The following ATF7IP variants were observed in gnomAD, a reference collection of about 807,000 sequenced individuals.
ATF7IP encodes activating transcription factor 7 interacting protein.
A neutral mutation model predicts 106.4 loss-of-function variants in ATF7IP; 23 were observed. That is an observed-to-expected ratio of 0.22 (90% CI 0.16 to 0.31). The LOEUF is 0.31. ATF7IP is among the 10% of genes least tolerant of loss of function. The probability of loss-of-function intolerance (pLI) is 1.00; values close to 1 mark genes in which losing one functional copy is unlikely to be tolerated. For synonymous variants in ATF7IP, 542 were observed against 539.0 expected (o/e 1.01, Z -0.08); for missense variants, 1,334 against 1,524.3 (o/e 0.88, Z 2.08).
chr12:14,427,522 C>T (rs533181798), intron 2 of ATF7IP, among the ~76,000 whole-genome samples: 13 of 152,204 alleles, frequency 8.5e-5, no homozygotes, highest in Non-Finnish European at 1.6e-4. Context: ...CGCGACACCA[C>T]GCCTGGCTAA....
At chr12:14,417,058 A>T in intron 1 of ATF7IP, 2 of 471,632 alleles carry the variant, frequency 4.2e-6, no homozygotes, top group African/African-American at 2.1e-5. Flanking sequence ...TGAGAAAAAA[A>T]TTCTGATAAC....
intron 1 of ATF7IP, among the ~76,000 whole-genome samples, chr12:14,391,739 G>A (rs980803514): frequency 6.6e-6 from 1 of 152,102 alleles, no homozygotes; most frequent in African/African-American, 2.4e-5. Flanking sequence ...TGTTTGTTTT[G>A]AGACAGAGTT....
rs1470622529 is a variant in ATF7IP at position 14,425,169 on chromosome 12, C to T, written c.1254C>T (p.Asn418=). The part of the protein sequence containing the change: ...ETINENVIED[N]KSENILENTD... ...TTAATGAAAATGTTATTGAAGATAA[C>T]AAAAGTGAGAATATCTTAGAAAATA... Residue 418 remains asparagine (N), a synonymous_variant, in exon 2 of 15, where the codon AAC becomes AAT. Coordinates refer to ENST00000261168, the MANE Select transcript of ATF7IP (RefSeq NM_018179.5). 3 of 1,593,182 alleles carry T rather than the reference C, an allele frequency of 1.9e-6. No individual in the cohort carries two copies. Among genetic ancestry groups the T allele is most frequent in the Non-Finnish European group, 2.6e-6 (3 of 1,174,014 alleles).
Position 14,436,132 on chromosome 12 carries a change from A to G in ATF7IP, c.1672A>G (p.Lys558Glu), listed in dbSNP as rs568223568. 37 of 1,613,020 alleles carry G rather than the reference A, an allele frequency of 2.3e-5. No homozygotes were observed. Among genetic ancestry groups the G allele is most frequent in the Non-Finnish European group, 3.1e-5 (36 of 1,179,604 alleles). ...TGAATTTTCTAGACGAAAACGTTCT[A>G]AATCAGAAGACATGGACAATGTACA... ...KNEFSRRKRS[K>E]SEDMDNVQSK... Residue 558 changes from lysine to glutamate, a missense_variant, in exon 4 of 15, where the codon AAA (lysine) becomes GAA (glutamate). Physicochemically the swap from Lys to Glu is moderately conservative, Grantham distance 56. Coordinates refer to ENST00000261168, the MANE Select transcript of ATF7IP (RefSeq NM_018179.5).
intron 3 of ATF7IP, among the ~76,000 whole-genome samples, chr12:14,435,631 G>A (rs1942368739): frequency 6.6e-6 from 1 of 152,070 alleles, no homozygotes; most frequent in African/African-American, 2.4e-5. Context: ...AACTATTACT[G>A]TGCTAGTTTT....
At chr12:14,428,203 C>G (rs1196276809) in intron 2 of ATF7IP, among the ~76,000 whole-genome samples, 1 of 151,854 alleles carries the variant, frequency 6.6e-6, no homozygotes, top group Non-Finnish European at 1.5e-5. Context: ...TTAATGAGTA[C>G]CTTTATGTCA....
At chr12:14,409,175 A>C (rs1940774890) in intron 1 of ATF7IP, among the ~76,000 whole-genome samples, 1 of 152,098 alleles carries the variant, frequency 6.6e-6, no homozygotes, top group South Asian at 2.1e-4. Context: ...ATTAAACAAT[A>C]CATAAATGTA....
intron 10 of ATF7IP, among the ~76,000 whole-genome samples, chr12:14,473,785 T>C (rs958069331): frequency 6.6e-6 from 1 of 151,840 alleles, no homozygotes; most frequent in Non-Finnish European, 1.5e-5. Flanking sequence ...GAGAGCATCA[T>C]TGGATATAGA....
chr12:14,405,111 A>AT (rs1254354924), intron 1 of ATF7IP, among the ~76,000 whole-genome samples: 1 of 152,054 alleles, frequency 6.6e-6, no homozygotes, highest in Non-Finnish European at 1.5e-5. Context: ...TGGAAATGTA[A>AT]TTTTTTCTTT....
intron 5 of ATF7IP, among the ~76,000 whole-genome samples, chr12:14,438,511 T>C (rs1565512327): frequency 3.3e-5 from 5 of 152,216 alleles, no homozygotes; most frequent in Admixed American, 2.6e-4. Context: ...GTGTCAGCAG[T>C]GTAGATTCTT....
chr12:14,428,347 A>G (rs1046101426), intron 2 of ATF7IP, among the ~76,000 whole-genome samples: 8 of 152,200 alleles, frequency 5.3e-5, no homozygotes, highest in African/African-American at 1.4e-4. Context: ...ATCTGATGGT[A>G]TGCTATTAGC....
chr12:14,383,772 C>T (rs1404508689), intron 1 of ATF7IP, among the ~76,000 whole-genome samples: 2 of 152,078 alleles, frequency 1.3e-5, no homozygotes, highest in Non-Finnish European at 1.5e-5. Context: ...TTGTTGGCCA[C>T]GCAGGTCTCA....
intron 1 of ATF7IP, among the ~76,000 whole-genome samples, chr12:14,374,132 C>G (rs1293109112): frequency 6.7e-6 from 1 of 149,670 alleles, no homozygotes; most frequent in African/African-American, 2.5e-5. Context: ...GGGTCTCACT[C>G]TGTCACTCCA....
At position 14,394,941 on chromosome 12, in the gene ATF7IP, G is replaced by A. The variant is rs1055882206; in HGVS notation, c.-7-28968G>A. ...ATTTTCACTTTGAAATAGTCATTTTGAAGATATACTCTGTGTGTTCTGTGA... is the reference window on the plus strand; with the variant it reads ...ATTTTCACTTTGAAATAGTCATTTTAAAGATATACTCTGTGTGTTCTGTGA... On this transcript the variant is annotated intron_variant, in intron 1 of 14. Coordinates refer to ENST00000261168, the MANE Select transcript of ATF7IP (RefSeq NM_018179.5). 11 of 152,250 alleles carry A rather than the reference G, an allele frequency of 7.2e-5. No homozygotes were observed. In the East Asian group the frequency reaches 2.1e-3, roughly 29 times the overall value. The allele number at this position is 152,250 out of a possible 1,614,324, so 9.4% of individuals were successfully genotyped here.
intron 9 of ATF7IP, among the ~76,000 whole-genome samples, chr12:14,463,027 T>A (rs560080769): frequency 6.6e-6 from 1 of 152,122 alleles, no homozygotes; most frequent in East Asian, 1.9e-4. Flanking sequence ...AATAAATTAT[T>A]ACTTATAATA....
chr12:14,457,876 C>T (rs1413611220), intron 8 of ATF7IP, among the ~76,000 whole-genome samples: 3 of 152,028 alleles, frequency 2.0e-5, no homozygotes, highest in Admixed American at 6.6e-5. Context: ...AGGCGGATCA[C>T]TTGAGGTTAG....
At chr12:14,455,161 G>A (rs1428928628) in intron 6 of ATF7IP, among the ~76,000 whole-genome samples, 2 of 150,502 alleles carry the variant, frequency 1.3e-5, no homozygotes, top group East Asian at 1.9e-4. Flanking sequence ...CTCCAGCCTG[G>A]GCGACAGTGA....
At chr12:14,415,644 C>T (rs1239351483) in intron 1 of ATF7IP, among the ~76,000 whole-genome samples, 1 of 150,526 alleles carries the variant, frequency 6.6e-6, no homozygotes, top group Middle Eastern at 3.3e-3. Context: ...TGATAACTTA[C>T]TCAACTGAGT....
intron 13 of ATF7IP, among the ~76,000 whole-genome samples, chr12:14,494,748 C>T (rs1027366907): frequency 1.1e-4 from 17 of 151,326 alleles, no homozygotes; most frequent in Non-Finnish European, 1.6e-4. Context: ...GCCTGGCCAA[C>T]ATCGTGAAAC....
Sources: allele counts gnomAD v4.1 joint callset (sites outside exome capture counted in the v4.1 genomes callset), GRCh38; gene constraint gnomAD v4.1.1; transcripts MANE v1.5; gene names NCBI Gene and HGNC (gene_info 2026-07-23, HGNC 2026-07-21).